PLEKHA2: variants seen among roughly 807,000 people sequenced by gnomAD.
PLEKHA2 encodes the protein pleckstrin homology domain containing A2.
In PLEKHA2, 28 loss-of-function variants were observed where a neutral mutation model predicts 53.2. The observed-to-expected ratio is 0.53, with a 90% confidence interval of 0.39 to 0.72. PLEKHA2 has a LOEUF of 0.72. Among genes scored for constraint, PLEKHA2 ranks in the 30% least tolerant of loss-of-function variants. The pLI is 0.00. For synonymous variants in PLEKHA2, 193 were observed against 196.4 expected (o/e 0.98, Z 0.14); for missense variants, 426 against 537.9 (o/e 0.79, Z 2.06).
At position 38,943,802 on chromosome 8, in the gene PLEKHA2, C is replaced by G; in HGVS notation, c.212C>G (p.Thr71Ser). Residue 71 changes from threonine (T) to serine (S), a missense_variant, in exon 4 of 12, where the codon ACC becomes AGC. By Grantham distance (58) the Thr-to-Ser change is moderately conservative. Coordinates refer to ENST00000617275, the MANE Select transcript of PLEKHA2 (RefSeq NM_021623.2). ...LTYISKVSIA[T>S]PKQKPKTPFC... ...TATTTGATTTAGGTGAGCATAGCTA[C>G]CCCAAAACAGAAACCAAAAACTCCA... The G allele has an allele frequency of 6.3e-7, 1 of 1,577,896 alleles. No individual in the cohort carries two copies. Among genetic ancestry groups the G allele is most frequent in the South Asian group, 1.2e-5 (1 of 85,544 alleles).
intron 2 of PLEKHA2, among the ~76,000 whole-genome samples, chr8:38,918,507 A>ATAC (rs1491132780): frequency 1.3e-5 from 1 of 75,492 alleles, no homozygotes; most frequent in Non-Finnish European, 2.9e-5. Context: ...CATACACCAG[A>ATAC]CACACACCAT....
intron 10 of PLEKHA2, among the ~76,000 whole-genome samples, chr8:38,958,820 A>G (rs1274567832): frequency 6.6e-6 from 1 of 152,206 alleles, no homozygotes; most frequent in Admixed American, 6.5e-5. Context: ...TGGGGACACC[A>G]GGTTAAACAG....
At chr8:38,938,683 C>G (rs1206962558) in intron 3 of PLEKHA2, among the ~76,000 whole-genome samples, 1 of 152,166 alleles carries the variant, frequency 6.6e-6, no homozygotes, top group Non-Finnish European at 1.5e-5. Context: ...GACCTCTGCT[C>G]GCTGCTGGGG....
At chr8:38,934,279 A>C (rs1834451118) in intron 2 of PLEKHA2, among the ~76,000 whole-genome samples, 1 of 152,126 alleles carries the variant, frequency 6.6e-6, no homozygotes, top group African/African-American at 2.4e-5. Context: ...GGTGTGAGCC[A>C]CCACGCCTGG....
At chr8:38,951,181 G>A (rs901145723) in intron 6 of PLEKHA2, among the ~76,000 whole-genome samples, 191 bp downstream of exon 6, 27 of 152,234 alleles carry the variant, frequency 1.8e-4, no homozygotes, top group African/African-American at 4.3e-4. Context: ...ACGGCAGTGC[G>A]GAAGTGGAGG....
intron 2 of PLEKHA2, among the ~76,000 whole-genome samples, chr8:38,931,395 C>T (rs1834391277): frequency 6.6e-6 from 1 of 152,228 alleles, no homozygotes; most frequent in Non-Finnish European, 1.5e-5. Flanking sequence ...TTCATCTTGA[C>T]GCTTCCAGTC....
At chr8:38,928,064 C>T (rs555822737) in intron 2 of PLEKHA2, among the ~76,000 whole-genome samples, 4 of 151,734 alleles carry the variant, frequency 2.6e-5, no homozygotes, top group East Asian at 1.9e-4. Context: ...AGAGGGAAAC[C>T]GATTAGAAAG....
intron 7 of PLEKHA2, 69 bp downstream of exon 7, chr8:38,952,381 C>A: frequency 1.3e-6 from 2 of 1,559,606 alleles, no homozygotes; most frequent in Non-Finnish European, 8.7e-7. Context: ...GTAGACATAG[C>A]AGAGGTGAGA....
At chr8:38,940,071 GA>G (rs1223903477) in intron 3 of PLEKHA2, among the ~76,000 whole-genome samples, 34 of 135,838 alleles carry the variant, frequency 2.5e-4, no homozygotes, top group Non-Finnish European at 4.0e-4. Flanking sequence ...TCCAGCCTGA[GA>G]CAGAGTGAGA....
chr8:38,950,603 G>T (rs1394095856), intron 5 of PLEKHA2: 1 of 376,638 alleles, frequency 2.7e-6, no homozygotes, highest in African/African-American at 2.1e-5. Context: ...TCTAGCCAGG[G>T]AAGGGCTGGC....
At chr8:38,956,307 C>T (rs780218212) in intron 9 of PLEKHA2, among the ~76,000 whole-genome samples, 1 of 152,210 alleles carries the variant, frequency 6.6e-6, no homozygotes, top group Non-Finnish European at 1.5e-5. Context: ...CCAGCAGTGT[C>T]CCCTAAAGGA....
intron 3 of PLEKHA2, among the ~76,000 whole-genome samples, chr8:38,940,627 T>G (rs1241332792): frequency 1.1e-5 from 1 of 92,124 alleles, no homozygotes; most frequent in South Asian, 4.0e-4. Flanking sequence ...CAGAAGTCTA[T>G]GCCGTGGTCC....
intron 2 of PLEKHA2, among the ~76,000 whole-genome samples, chr8:38,930,350 T>C (rs1450986524): frequency 1.3e-5 from 2 of 152,070 alleles, no homozygotes; most frequent in African/African-American, 2.4e-5. Context: ...TACAGGCGCA[T>C]GCCACTATGC....
chr8:38,904,589 G>A (rs1564096608), intron 1 of PLEKHA2, among the ~76,000 whole-genome samples: 3 of 152,236 alleles, frequency 2.0e-5, no homozygotes, highest in Admixed American at 1.3e-4. Context: ...AACTCTCAGG[G>A]TAGCCTGGCC....
chr8:38,924,053 C>T (rs959918976), intron 2 of PLEKHA2, among the ~76,000 whole-genome samples: 2 of 151,930 alleles, frequency 1.3e-5, no homozygotes, highest in Non-Finnish European at 2.9e-5. Flanking sequence ...GGTGTCACCA[C>T]GTTGGCTAGG....
chr8:38,930,448 C>G (rs1025815846), intron 2 of PLEKHA2, among the ~76,000 whole-genome samples: 5 of 152,178 alleles, frequency 3.3e-5, no homozygotes, highest in African/African-American at 9.6e-5. Context: ...AGGTGATCCC[C>G]CTGCCTCAGC....
intron 1 of PLEKHA2, among the ~76,000 whole-genome samples, chr8:38,908,870 C>T (rs545515804): frequency 2.6e-5 from 4 of 152,266 alleles, no homozygotes; most frequent in South Asian, 2.1e-4. Context: ...CTGGGCCAGG[C>T]GCGGTGGCTC....
In PLEKHA2 at chr8:38,972,885, G is replaced by A. The variant is rs1308331017; in HGVS notation, c.*3102G>A. On this transcript the variant is annotated 3_prime_UTR_variant, in exon 12 of 12. Transcript: ENST00000617275. Reference sequence around the variant, plus strand: ...TTGAAGTGGTCTTGACCCACTGTGTGTAACAGTATTTCAGGTGGTCCTCCC... The same window carrying A: ...TTGAAGTGGTCTTGACCCACTGTGTATAACAGTATTTCAGGTGGTCCTCCC... 1 of 152,082 alleles carries A rather than the reference G, an allele frequency of 6.6e-6. No individual in the cohort carries two copies. The highest frequency in any genetic ancestry group is 1.9e-4 in the East Asian group (1 of 5,190). The allele number at this position is 152,082 out of a possible 1,614,324, so 9.4% of individuals were successfully genotyped here.
intron 2 of PLEKHA2, among the ~76,000 whole-genome samples, chr8:38,930,990 G>A (rs1834382759): frequency 6.6e-6 from 1 of 152,198 alleles, no homozygotes; most frequent in South Asian, 2.1e-4. Flanking sequence ...AATCTCCCGA[G>A]GTGGCCAGGA....
Sources: allele counts gnomAD v4.1 joint callset (sites outside exome capture counted in the v4.1 genomes callset), GRCh38; gene constraint gnomAD v4.1.1; transcripts MANE v1.5; gene names NCBI Gene and HGNC (gene_info 2026-07-23, HGNC 2026-07-21).